The following AP1G1 variants were observed in gnomAD, a reference collection of about 807,000 sequenced individuals.
AP1G1 encodes the protein AP-1 complex subunit gamma-1.
AP1G1 carries 7 observed loss-of-function variants against 108.3 expected under a neutral mutation model. The ratio of observed to expected loss-of-function variants is 0.06; its 90% CI spans 0.04 to 0.12. The LOEUF is 0.12. AP1G1 is among the 10% of genes least tolerant of loss of function. The pLI, the probability that AP1G1 is intolerant of heterozygous loss-of-function variation, is 1.00. For synonymous variants in AP1G1, 379 were observed against 353.5 expected, an observed-to-expected ratio of 1.07 and a Z score of -0.81; for missense variants, 756 against 1,010.7, an observed-to-expected ratio of 0.75 and a Z score of 3.42.
At chr16:71,781,720 AC>A (rs1001401518) in intron 2 of AP1G1, among the ~76,000 whole-genome samples, 9 of 152,334 alleles carry the variant, frequency 5.9e-5, no homozygotes, top group Middle Eastern at 3.4e-3. Flanking sequence ...TTGAATATAA[AC>A]TTACCTATTA....
At chr16:71,799,047 T>C (rs1423797928) in intron 1 of AP1G1, among the ~76,000 whole-genome samples, 1 of 152,022 alleles carries the variant, frequency 6.6e-6, no homozygotes, top group Non-Finnish European at 1.5e-5. Context: ...GGAAATCCAA[T>C]GGCTATTATA....
At chr16:71,786,496 C>T (rs1465441061) in intron 2 of AP1G1, among the ~76,000 whole-genome samples, 1 of 151,992 alleles carries the variant, frequency 6.6e-6, no homozygotes, top group Non-Finnish European at 1.5e-5. Flanking sequence ...GAGTCTCATT[C>T]TGTTGCCAGG....
chr16:71,795,907 A>C (rs2032569162), intron 1 of AP1G1, among the ~76,000 whole-genome samples: 1 of 152,228 alleles, frequency 6.6e-6, no homozygotes, highest in Admixed American at 6.6e-5. Context: ...GGAAAAGACC[A>C]GAGTTAGAAC....
intron 2 of AP1G1, among the ~76,000 whole-genome samples, chr16:71,776,938 C>T (rs1464059796): frequency 6.6e-6 from 1 of 151,442 alleles, no homozygotes; most frequent in Non-Finnish European, 1.5e-5. Flanking sequence ...GATGAAACCC[C>T]GTTTCTACTA....
At position 71,748,384 on chromosome 16, in the gene AP1G1, G is replaced by C. The variant is rs746960368; in HGVS notation, c.1498-6C>G. The C allele has an allele frequency of 6.2e-7, 1 of 1,607,784 alleles. No homozygotes were observed. The highest frequency in any genetic ancestry group is 8.5e-7 in the Non-Finnish European group (1 of 1,178,490). On this transcript the variant is annotated splice_region_variant and splice_polypyrimidine_tract_variant and intron_variant, in intron 15 of 22. Coordinates refer to ENST00000299980, the MANE Select transcript of AP1G1 (RefSeq NM_001128.6). ...AACACTTCATCCTCTGTTACCTGAG[G>C]AGGAGGAGGAAAAAGAAGACGATGA... is the stretch of plus-strand genomic sequence containing the variant.
At chr16:71,795,004 T>G (rs2032537202) in intron 1 of AP1G1, among the ~76,000 whole-genome samples, 1 of 151,948 alleles carries the variant, frequency 6.6e-6, no homozygotes, top group Non-Finnish European at 1.5e-5. Context: ...TGCTAAAATA[T>G]CTTTAAAAAA....
chr16:71,739,147 G>A, intron 20 of AP1G1, 45 bp from the exon 21 acceptor site: 1 of 1,611,224 alleles, frequency 6.2e-7, no homozygotes, highest in South Asian at 1.1e-5. Flanking sequence ...TCAGCCTAAT[G>A]CTTGCAGAAT....
chr16:71,760,075 T>A (rs1273742590), intron 10 of AP1G1, among the ~76,000 whole-genome samples: 2 of 152,192 alleles, frequency 1.3e-5, no homozygotes, highest in African/African-American at 4.8e-5. Context: ...CCCACTATGT[T>A]GCCCAGGCTG....
At chr16:71,807,575 T>C (rs1034680617) in intron 1 of AP1G1, among the ~76,000 whole-genome samples, 5 of 152,200 alleles carry the variant, frequency 3.3e-5, no homozygotes, top group African/African-American at 1.2e-4. Context: ...GTGTGACAAG[T>C]TAGGTATTTG....
Position 71,729,876 on chromosome 16 carries a change from C to A in AP1G1, c.*3182G>T, listed in dbSNP as rs76621365. The A allele has an allele frequency of 0.058, 8,913 of 152,604 alleles. 329 individuals are homozygous for A. The highest frequency in any genetic ancestry group is 0.11 in the Middle Eastern group (32 of 294). 9.5% of individuals were successfully genotyped at this position (152,604 alleles called of 1,614,324 possible). On this transcript the variant is annotated 3_prime_UTR_variant, in exon 23 of 23. Coordinates refer to ENST00000299980, the MANE Select transcript of AP1G1 (RefSeq NM_001128.6). ...ACATTCAAACTCCTTTCCCCTAGTT[C>A]TCATGGCCCAAATATTTTCCAATGC...
intron 1 of AP1G1, among the ~76,000 whole-genome samples, chr16:71,804,562 C>T (rs916546218): frequency 2.0e-5 from 3 of 151,922 alleles, no homozygotes; most frequent in African/African-American, 7.2e-5. Flanking sequence ...TGCACATCAC[C>T]ATGCCCGGCT....
At chr16:71,778,998 CACAACTCT>C (rs2031899195) in intron 2 of AP1G1, among the ~76,000 whole-genome samples, 1 of 152,156 alleles carries the variant, frequency 6.6e-6, no homozygotes, top group African/African-American at 2.4e-5. Context: ...CATTTCTAAC[CACAACTCT>C]AGCAGACGCT....
chr16:71,768,975 A>AT (rs1567652770), intron 6 of AP1G1, among the ~76,000 whole-genome samples: 2 of 80,556 alleles, frequency 2.5e-5, no homozygotes, highest in Non-Finnish European at 4.9e-5. Context: ...TAAAAAAAAA[A>AT]TACAAAAAAA....
At chr16:71,786,125 A>T (rs1256079648) in intron 2 of AP1G1, among the ~76,000 whole-genome samples, 1 of 152,344 alleles carries the variant, frequency 6.6e-6, no homozygotes, top group East Asian at 1.9e-4. Flanking sequence ...ATAAAATTTT[A>T]GCACAGTTTT....
At chr16:71,733,238 T>C in intron 22 of AP1G1, 79 bp from the exon 23 acceptor site, 1 of 1,191,580 alleles carries the variant, frequency 8.4e-7, no homozygotes, top group South Asian at 1.4e-5. Context: ...AATAGACTTT[T>C]AATCTTAGAG....
Position 71,745,457 on chromosome 16 carries a change from G to C in AP1G1, c.1872+16C>G, listed in dbSNP as rs555279650. The C allele has an allele frequency of 3.7e-6, 6 of 1,614,128 alleles. No homozygotes were observed. The African/African-American group carries it at 6.7e-5, about 18-fold the overall frequency. On this transcript the variant is annotated intron_variant, in intron 18 of 22. Coordinates refer to ENST00000299980, the MANE Select transcript of AP1G1 (RefSeq NM_001128.6). ...ATCGTAAGAAGCCCCAGATGAGCAA[G>C]TGAAAGGCTGGCTACCTGGCTGGTG...
chr16:71,806,827 A>C (rs1252141268), intron 1 of AP1G1: 1 of 570,500 alleles, frequency 1.8e-6, no homozygotes, highest in Non-Finnish European at 2.7e-6. Context: ...CTTAAATAAC[A>C]AGATCACTGA....
At position 71,800,086 on chromosome 16, in the gene AP1G1, C is replaced by T. The variant is rs920509936; in HGVS notation, c.-4+8677G>A. Reference sequence around the variant, plus strand: ...AAATAATAATAAAGAATTATATTGCCGGGCACGGTGGCTCACGCCTGTAAT... The same window carrying T: ...AAATAATAATAAAGAATTATATTGCTGGGCACGGTGGCTCACGCCTGTAAT... On this transcript the variant is annotated intron_variant, in intron 1 of 22. Coordinates refer to ENST00000299980, the MANE Select transcript of AP1G1 (RefSeq NM_001128.6). 2.0e-5 allele frequency among the ~76,000 whole-genome samples: 3 copies of T among 147,188 alleles called. No homozygotes were observed. In the East Asian group the frequency reaches 6.2e-4, roughly 30 times the overall value.
At chr16:71,737,039 T>C (rs1482476836) in intron 21 of AP1G1, among the ~76,000 whole-genome samples, 1 of 152,100 alleles carries the variant, frequency 6.6e-6, no homozygotes, top group Non-Finnish European at 1.5e-5. Context: ...TTGAAGAAAC[T>C]AAATATACTG....
Sources: gnomAD v4.1 joint callset for allele counts (sites outside exome capture counted in the v4.1 genomes callset) on GRCh38, gnomAD v4.1.1 for gene constraint, MANE v1.5 for transcripts, NCBI Gene and HGNC (gene_info 2026-07-23, HGNC 2026-07-21) for gene names.